PPM1E: variants seen among roughly 807,000 people sequenced by gnomAD.
PPM1E encodes the protein protein phosphatase, Mg2+/Mn2+ dependent 1E.
Under a neutral mutation model 65.9 loss-of-function variants are expected in PPM1E, and 20 were observed. The observed-to-expected ratio is 0.30, with a 90% CI of 0.21 to 0.44. The LOEUF is 0.44. PPM1E is among the 20% of genes least tolerant of loss of function. The pLI, the probability that PPM1E is intolerant of heterozygous loss-of-function variation, is 1.00. For missense variants in PPM1E, 713 were observed against 953.1 expected, an observed-to-expected ratio of 0.75 and a Z score of 3.32; for synonymous variants, 352 against 374.9, an observed-to-expected ratio of 0.94 and a Z score of 0.70.
In PPM1E at chr17:58,846,409, A is replaced by G. The variant is rs111279582; in HGVS notation, c.464+89948A>G. ...AGCATTAGGTATATCTCCTAATGCT[A>G]TCCCTCCCCGTTTCCCCCATCCTAT... is the stretch of plus-strand genomic sequence containing the variant. On this transcript the variant is annotated intron_variant, in intron 1 of 6. Transcript: ENST00000308249. Among the ~76,000 whole-genome samples, 1,338 of 152,138 alleles carry G rather than the reference A, an allele frequency of 8.8e-3. 22 individuals carry two copies. The highest frequency in any genetic ancestry group is 0.03 in the African/African-American group (1,232 of 41,500).
chr17:58,773,289 A>G (rs552693057), intron 1 of PPM1E, among the ~76,000 whole-genome samples: 21 of 152,336 alleles, frequency 1.4e-4, no homozygotes, highest in African/African-American at 5.0e-4. Flanking sequence ...CTATAAATCA[A>G]CATGTAAAAC....
At chr17:58,858,621 C>G (rs2050908293) in intron 1 of PPM1E, among the ~76,000 whole-genome samples, 1 of 152,090 alleles carries the variant, frequency 6.6e-6, no homozygotes, top group African/African-American at 2.4e-5. Flanking sequence ...CCATTTCCAC[C>G]CATGTTGCCA....
chr17:58,771,337 T>TA (rs553712860), intron 1 of PPM1E, among the ~76,000 whole-genome samples: 37 of 145,236 alleles, frequency 2.5e-4, no homozygotes, highest in African/African-American at 4.0e-4. Context: ...AAGTAGATTC[T>TA]AAAAAAAAAA....
Position 58,984,966 on chromosome 17 carries a change from C to A in PPM1E, c.*3935C>A, listed in dbSNP as rs2031659608. The A allele has an allele frequency of 6.6e-6, 1 of 152,628 alleles. No individual in the cohort carries two copies. Among genetic ancestry groups the A allele is most frequent in the Admixed American group, 6.5e-5 (1 of 15,276 alleles). 9.5% of individuals were successfully genotyped at this position (152,628 alleles called of 1,614,324 possible). A position where few individuals can be genotyped will look rare whatever the true frequency, so the allele number is the denominator to read the frequency against. On this transcript the variant is annotated 3_prime_UTR_variant, in exon 7 of 7. Coordinates refer to ENST00000308249, the MANE Select transcript of PPM1E (RefSeq NM_014906.5). ...CTTTGTTCTCTTGTTCATAACATTT[C>A]TCTGCAAAGAATTCTCTATGGAGTG...
At chr17:58,866,978 G>C (rs372300837) in intron 1 of PPM1E, among the ~76,000 whole-genome samples, 2 of 151,922 alleles carry the variant, frequency 1.3e-5, no homozygotes, top group Non-Finnish European at 2.9e-5. Flanking sequence ...CAAATTGGGG[G>C]GATTTTATTT....
chr17:58,957,480 G>A (rs903037181), intron 2 of PPM1E, among the ~76,000 whole-genome samples: 9 of 151,838 alleles, frequency 5.9e-5, no homozygotes, highest in African/African-American at 1.9e-4. Context: ...GTCTCCATAC[G>A]ACTGCTGTGA....
chr17:58,833,590 G>A (rs1383512918), intron 1 of PPM1E, among the ~76,000 whole-genome samples: 8 of 151,912 alleles, frequency 5.3e-5, no homozygotes, highest in Non-Finnish European at 7.4e-5. Flanking sequence ...ATAGTATTCT[G>A]TGGTGTATAT....
chr17:58,920,396 G>A (rs536227250), intron 1 of PPM1E, among the ~76,000 whole-genome samples: 147 of 152,082 alleles, frequency 9.7e-4, no homozygotes, highest in African/African-American at 3.4e-3. Flanking sequence ...AGGCTATGTC[G>A]TTACTAATAA....
intron 1 of PPM1E, among the ~76,000 whole-genome samples, chr17:58,891,411 C>T (rs2051342721): frequency 6.6e-6 from 1 of 152,152 alleles, no homozygotes; most frequent in Non-Finnish European, 1.5e-5. Flanking sequence ...CAACTTCCAC[C>T]TCCCGGGTTC....
chr17:58,826,822 G>A (rs2050542177), intron 1 of PPM1E, among the ~76,000 whole-genome samples: 1 of 151,896 alleles, frequency 6.6e-6, no homozygotes, highest in South Asian at 2.1e-4. Context: ...GTAGAGACGG[G>A]GTTTCACTGT....
At chr17:58,823,311 T>C (rs1042587754) in intron 1 of PPM1E, among the ~76,000 whole-genome samples, 1 of 152,150 alleles carries the variant, frequency 6.6e-6, no homozygotes, top group African/African-American at 2.4e-5. Flanking sequence ...ATGAAAGTAA[T>C]GGAAAAGAAT....
At chr17:58,852,889 A>AC (rs2050842515) in intron 1 of PPM1E, among the ~76,000 whole-genome samples, 1 of 152,174 alleles carries the variant, frequency 6.6e-6, no homozygotes. Flanking sequence ...GGTGTGAGCC[A>AC]CCACGCCTGG....
intron 2 of PPM1E, among the ~76,000 whole-genome samples, chr17:58,964,782 G>A (rs762552221): frequency 8.5e-5 from 13 of 152,120 alleles, no homozygotes; most frequent in Non-Finnish European, 1.6e-4. Context: ...GGTGGCTCAC[G>A]CCTATAATCC....
chr17:58,932,267 G>C (rs1474062501), intron 1 of PPM1E, among the ~76,000 whole-genome samples: 1 of 152,104 alleles, frequency 6.6e-6, no homozygotes, highest in Non-Finnish European at 1.5e-5. Flanking sequence ...TCAGGAGTTC[G>C]AGACCAGCCT....
intron 2 of PPM1E, among the ~76,000 whole-genome samples, chr17:58,964,507 T>C (rs1042871126): frequency 3.3e-5 from 5 of 152,066 alleles, no homozygotes; most frequent in Non-Finnish European, 5.9e-5. Context: ...GCGGTAGACA[T>C]AGGTGAAGCG....
chr17:58,880,371 G>A (rs1023483248), intron 1 of PPM1E, among the ~76,000 whole-genome samples: 26 of 152,228 alleles, frequency 1.7e-4, no homozygotes, highest in Middle Eastern at 6.8e-3. Context: ...TTAAATGGAA[G>A]ATTCATGTTT....
intron 1 of PPM1E, among the ~76,000 whole-genome samples, chr17:58,773,757 C>G (rs1315318674): frequency 1.3e-5 from 2 of 152,050 alleles, no homozygotes; most frequent in Non-Finnish European, 2.9e-5. Flanking sequence ...CGTGAATTAC[C>G]TACATCAAAA....
chr17:58,793,494 T>A (rs2050176630), intron 1 of PPM1E, among the ~76,000 whole-genome samples: 1 of 151,932 alleles, frequency 6.6e-6, no homozygotes, highest in Non-Finnish European at 1.5e-5. Context: ...TAGCTGGGAC[T>A]ACAGGCACCC....
At chr17:58,838,700 C>G (rs1165589912) in intron 1 of PPM1E, among the ~76,000 whole-genome samples, 1 of 152,178 alleles carries the variant, frequency 6.6e-6, no homozygotes, top group Non-Finnish European at 1.5e-5. Context: ...GAGTTGTAAA[C>G]TTACGTCCAC....
Sources: allele counts gnomAD v4.1 joint callset (sites outside exome capture counted in the v4.1 genomes callset), GRCh38; gene constraint gnomAD v4.1.1; transcripts MANE v1.5; gene names NCBI Gene and HGNC (gene_info 2026-07-23, HGNC 2026-07-21).